The following LRIG3 variants were observed in gnomAD, a reference collection of about 807,000 sequenced individuals.
LRIG3 encodes leucine rich repeats and immunoglobulin like domains 3.
Under a neutral mutation model 114.5 loss-of-function variants are expected in LRIG3, and 76 were observed. The ratio of observed to expected loss-of-function variants is 0.66; its 90% CI spans 0.55 to 0.80. The LOEUF is 0.80. LRIG3 is among the 30% of genes least tolerant of loss of function. The probability of loss-of-function intolerance (pLI) is 0.00; values close to 1 mark genes in which losing one functional copy is unlikely to be tolerated. For synonymous variants in LRIG3, 512 were observed against 519.8 expected (o/e 0.98, Z 0.20); for missense variants, 1,239 against 1,382.8 (o/e 0.90, Z 1.65).
intron 10 of LRIG3, among the ~76,000 whole-genome samples, chr12:58,883,982 A>G (rs1218664656): frequency 6.6e-6 from 1 of 152,226 alleles, no homozygotes; most frequent in Non-Finnish European, 1.5e-5. Flanking sequence ...AAACATTTAC[A>G]CAGTATTTTT....
At chr12:58,892,007 G>A (rs74478090) in intron 3 of LRIG3, among the ~76,000 whole-genome samples, 1,848 of 151,536 alleles carry the variant, frequency 0.012, 33 homozygotes, top group East Asian at 0.088. Context: ...TTCTACTGGT[G>A]ACTGTTATAC....
rs922077675 is a variant in LRIG3 at position 58,891,096 on chromosome 12, C to CT, written c.384-301dup. On this transcript the variant is annotated intron_variant, in intron 3 of 18. Transcript: ENST00000320743. Reference sequence around the variant, plus strand: ...TTTGATTTTTCTTTATCCTATTTTTCTTTTTTTTTAAAAATTTTTATTTAT... The same window carrying CT: ...TTTGATTTTTCTTTATCCTATTTTTCTTTTTTTTTTAAAAATTTTTATTTAT... Among the ~76,000 whole-genome samples the CT allele has an allele frequency of 9.9e-5, 15 of 151,174 alleles. No homozygotes were observed. The East Asian group carries it at 2.3e-3, about 24-fold the overall frequency.
intron 1 of LRIG3, among the ~76,000 whole-genome samples, chr12:58,916,958 C>A (rs959485154): frequency 6.6e-6 from 1 of 152,168 alleles, no homozygotes; most frequent in South Asian, 2.1e-4. Context: ...CCACTGGGGC[C>A]TGCAGAGCTG....
chr12:58,908,394 TG>T (rs1255541260), intron 3 of LRIG3, among the ~76,000 whole-genome samples: 1 of 152,096 alleles, frequency 6.6e-6, no homozygotes, highest in Non-Finnish European at 1.5e-5. Flanking sequence ...AGTTCAGAAA[TG>T]TGAAGGGCAC....
At chr12:58,918,930 TAAA>T (rs1872572053) in intron 1 of LRIG3, among the ~76,000 whole-genome samples, 1 of 152,228 alleles carries the variant, frequency 6.6e-6, no homozygotes. Flanking sequence ...TTTTAAAATA[TAAA>T]TTCTTAAACA....
intron 1 of LRIG3, chr12:58,919,370 G>A: frequency 1.3e-6 from 2 of 1,549,982 alleles, no homozygotes; most frequent in Non-Finnish European, 8.7e-7. Flanking sequence ...ATCGAGTTCC[G>A]CCCTTTCCAT....
intron 18 of LRIG3, among the ~76,000 whole-genome samples, chr12:58,873,021 A>C (rs888981744): frequency 2.6e-5 from 4 of 152,236 alleles, no homozygotes; most frequent in Non-Finnish European, 5.9e-5. Context: ...GCCTTCCCTC[A>C]TATTTACATC....
intron 13 of LRIG3, among the ~76,000 whole-genome samples, chr12:58,879,427 A>G (rs980896434): frequency 1.3e-5 from 2 of 152,150 alleles, no homozygotes. Context: ...GGGTGTATCA[A>G]TTAATCTCTT....
chr12:58,878,109 G>C (rs1304722160), intron 14 of LRIG3, among the ~76,000 whole-genome samples: 1 of 152,104 alleles, frequency 6.6e-6, no homozygotes, highest in Non-Finnish European at 1.5e-5. Flanking sequence ...CAAAAGTCGG[G>C]AAGCTGGTAG....
At chr12:58,883,422 C>A in intron 11 of LRIG3, 98 bp downstream of exon 11, 1 of 754,306 alleles carries the variant, frequency 1.3e-6, no homozygotes, top group Non-Finnish European at 2.0e-6. Context: ...TAAGAATGTG[C>A]CAGGCACTTT....
At chr12:58,913,937 G>A (rs373466655) in intron 3 of LRIG3, 45 bp downstream of exon 3, 1 of 1,540,074 alleles carries the variant, frequency 6.5e-7, no homozygotes, top group South Asian at 1.2e-5. Flanking sequence ...TCCCACTCAA[G>A]GTTCCTGCAA....
At position 58,872,540 on chromosome 12, in the gene LRIG3, T is replaced by G; in HGVS notation, c.*32A>C. On this transcript the variant is annotated 3_prime_UTR_variant, in exon 19 of 19. Coordinates refer to ENST00000320743, the MANE Select transcript of LRIG3 (RefSeq NM_153377.5). The stretch of plus-strand genomic sequence containing the variant: ...TTAAATAAAAGTTCACTTGAGGTAG[T>G]ATGTTAAGCTTTTCCTTTGGTCTCA... 6.5e-7 allele frequency: 1 copy of G among 1,529,464 alleles called. No homozygotes were observed. Among genetic ancestry groups the G allele is most frequent in the Admixed American group, 2.0e-5 (1 of 49,190 alleles). The allele number at this position is 1,529,464 out of a possible 1,614,324, so 94.7% of individuals were successfully genotyped here. A position where few individuals can be genotyped will look rare whatever the true frequency, so the allele number is the denominator to read the frequency against.
At chr12:58,877,945 A>T in intron 14 of LRIG3, 93 bp from the exon 15 acceptor site, 9 of 1,272,736 alleles carry the variant, frequency 7.1e-6, no homozygotes, top group South Asian at 6.2e-5. Flanking sequence ...ATTGTAACCT[A>T]AAATTTTATT....
In LRIG3 at chr12:58,874,055, C is replaced by T. The variant is rs770852022; in HGVS notation, c.3115G>A (p.Gly1039Ser). The change falls in exon 18 of 19, where the codon GGT becomes AGT. Residue 1039 changes from glycine (G) to serine (S), a missense_variant and splice_region_variant. By Grantham distance (56) the Gly-to-Ser change is moderately conservative. Transcript: ENST00000320743. ...GTACCTGATAACTTAATAAACTTACCCATGAAAGAATTACTCGAGGCAACC... is the reference window on the plus strand; with the variant it reads ...GTACCTGATAACTTAATAAACTTACTCATGAAAGAATTACTCGAGGCAACC... ...ASVASSNSFM[G>S]TFGKALRRPH... 3.7e-6 allele frequency: 6 copies of T among 1,613,946 alleles called. No homozygotes were observed. The African/African-American group carries it at 6.7e-5, about 18-fold the overall frequency.
In LRIG3 at chr12:58,872,292, A is replaced by G. The variant is rs1298007095; in HGVS notation, c.*280T>C. The G allele has an allele frequency of 5.0e-6, 1 of 198,092 alleles. No homozygotes were observed. The highest frequency in any genetic ancestry group is 1.0e-5 in the Non-Finnish European group (1 of 99,422). The allele number at this position is 198,092 out of a possible 1,614,324, so 12.3% of individuals were successfully genotyped here. A position where few individuals can be genotyped will look rare whatever the true frequency, so the allele number is the denominator to read the frequency against. ...ATAAAAAGAAATCTGGCATTATAAA[A>G]ATACATAAAATAATCATGATTTATA... On this transcript the variant is annotated 3_prime_UTR_variant, in exon 19 of 19. Transcript: ENST00000320743.
rs148809438 is a variant in LRIG3 at position 58,876,643 on chromosome 12, C to T, written c.2537-40G>A. 1,815 of 1,607,356 alleles carry T rather than the reference C, an allele frequency of 1.1e-3. 24 individuals carry two copies. In the African/African-American group the frequency reaches 0.021, roughly 19 times the overall value. ...CAGCATTTTATTAACCAAGGATGAT[C>T]GTTAATTGTCCCACAGGCATCCCGG... On this transcript the variant is annotated intron_variant, in intron 15 of 18. Transcript: ENST00000320743.
At chr12:58,880,471 G>A in intron 13 of LRIG3, 110 bp downstream of exon 13, 1 of 1,053,142 alleles carries the variant, frequency 9.5e-7, no homozygotes, top group East Asian at 2.5e-5. Context: ...GAAGAGTCAG[G>A]TGGGGAACTG....
In LRIG3 at chr12:58,914,006, G is replaced by C; in HGVS notation, c.359C>G (p.Ser120Trp). 6.2e-7 allele frequency: 1 copy of C among 1,612,062 alleles called. No homozygotes were observed. ...LETIPNLGPV[S>W]ANITLLSLAG... ...CAAGGAGAGAAGTGTAATATTTGCC[G>C]AGACTGGTCCCAGATTTGGAATGGT... Residue 120 changes from serine (S) to tryptophan (W), a missense_variant, in exon 3 of 19, where the codon TCG becomes TGG. Ser to Trp is a radical substitution (Grantham distance 177). Transcript: ENST00000320743.
At position 58,910,590 on chromosome 12, in the gene LRIG3, A is replaced by G. The variant is rs191562348; in HGVS notation, c.383+3392T>C. Among the ~76,000 whole-genome samples, 411 of 152,278 alleles carry G rather than the reference A, an allele frequency of 2.7e-3. 1 individual carries two copies. The highest frequency in any genetic ancestry group is 5.5e-3 in the Admixed American group (84 of 15,300). On this transcript the variant is annotated intron_variant, in intron 3 of 18. Transcript: ENST00000320743. ...GCCACTGCACTCCAGCCTGGGTGAC[A>G]CTGCGAGACTCCGTCTCAAAAAAAA...
Sources: allele counts gnomAD v4.1 joint callset (sites outside exome capture counted in the v4.1 genomes callset), GRCh38; gene constraint gnomAD v4.1.1; transcripts MANE v1.5; gene names NCBI Gene and HGNC (gene_info 2026-07-23, HGNC 2026-07-21).